DLG1: variants seen among roughly 807,000 people sequenced by gnomAD.
DLG1 encodes disks large homolog 1.
In DLG1, 42 loss-of-function variants were observed where a neutral mutation model predicts 123.4. That is an observed-to-expected ratio of 0.34 (90% CI 0.27 to 0.44). The LOEUF is 0.44. Ranked by LOEUF, DLG1 falls within the 20% of genes least tolerant of loss-of-function variation. The probability of loss-of-function intolerance (pLI) is 1.00; values close to 1 mark genes in which losing one functional copy is unlikely to be tolerated. For synonymous variants in DLG1, 317 were observed against 356.2 expected (o/e 0.89, Z 1.24); for missense variants, 942 against 1,082.6 (o/e 0.87, Z 1.82).
chr3:197,156,398 A>T (rs1298628437), intron 5 of DLG1, among the ~76,000 whole-genome samples: 1 of 152,226 alleles, frequency 6.6e-6, no homozygotes, highest in Admixed American at 6.5e-5. Context: ...AGGAACAAAA[A>T]AGCTACAAGG....
intron 16 of DLG1, among the ~76,000 whole-genome samples, chr3:197,082,044 G>C (rs1225795597): frequency 6.6e-6 from 1 of 152,018 alleles, no homozygotes; most frequent in Admixed American, 6.6e-5. Context: ...TTTTACTATG[G>C]GTACAGCAGG....
intron 5 of DLG1, among the ~76,000 whole-genome samples, chr3:197,160,231 G>A (rs1185095884): frequency 6.6e-6 from 1 of 152,004 alleles, no homozygotes; most frequent in Non-Finnish European, 1.5e-5. Flanking sequence ...ATAAATGAGA[G>A]AATTCTGAAT....
intron 4 of DLG1, among the ~76,000 whole-genome samples, chr3:197,264,376 G>T (rs545956237): frequency 2.6e-5 from 4 of 152,242 alleles, no homozygotes; most frequent in African/African-American, 9.6e-5. Flanking sequence ...TCTTTTAAGT[G>T]CCAGCATAAC....
chr3:197,288,739 A>ACATACATAC (rs1773220194), intron 3 of DLG1, among the ~76,000 whole-genome samples: 1 of 49,870 alleles, frequency 2.0e-5, no homozygotes, highest in African/African-American at 1.2e-4. Flanking sequence ...AAAAAAAAAA[A>ACATACATAC]AAAAATACAT....
intron 21 of DLG1, 63 bp downstream of exon 21, chr3:197,065,645 C>A: frequency 8.0e-7 from 1 of 1,253,636 alleles, no homozygotes; most frequent in Non-Finnish European, 1.1e-6. Context: ...ATCTATTTTT[C>A]CCACACACAG....
At chr3:197,273,224 A>G (rs534494371) in intron 4 of DLG1, among the ~76,000 whole-genome samples, 16,506 of 144,370 alleles carry the variant, frequency 0.11, 1,354 homozygotes, top group African/African-American at 0.24. Context: ...GTGTGTGTAT[A>G]TATATATATT....
intron 5 of DLG1, among the ~76,000 whole-genome samples, chr3:197,164,933 G>A (rs1251227192): frequency 6.8e-6 from 1 of 146,658 alleles, no homozygotes; most frequent in Non-Finnish European, 1.5e-5. Flanking sequence ...AAAAAAGAAA[G>A]AAAGAAAGAA....
chr3:197,257,126 G>A (rs1007867073), intron 4 of DLG1, among the ~76,000 whole-genome samples: 2 of 152,032 alleles, frequency 1.3e-5, no homozygotes, highest in Non-Finnish European at 2.9e-5. Context: ...CCTGTACTGA[G>A]ACTTTCTTTT....
At position 197,140,199 on chromosome 3, in the gene DLG1, T is replaced by G; in HGVS notation, c.654A>C (p.Ser218=). The G allele has an allele frequency of 3.1e-6, 5 of 1,613,552 alleles. No individual in the cohort carries two copies. Among genetic ancestry groups the G allele is most frequent in the Non-Finnish European group, 4.2e-6 (5 of 1,179,640 alleles). ...GTDNPHIGDD[S]SIFITKIITG... ...TGATAATTTTGGTAATGAAAATACT[T>G]GAGTCATCTCCAATGTGTGGGTTGT... Residue 218 remains serine (S), a synonymous_variant, in exon 8 of 25, where the codon TCA becomes TCC. Transcript: ENST00000667157.
chr3:197,227,088 T>C (rs1415249321), intron 4 of DLG1, among the ~76,000 whole-genome samples: 1 of 152,250 alleles, frequency 6.6e-6, no homozygotes. Flanking sequence ...GAATATTTAC[T>C]GCTTCATCTA....
At chr3:197,167,626 A>G (rs1009357227) in intron 5 of DLG1, among the ~76,000 whole-genome samples, 4 of 152,252 alleles carry the variant, frequency 2.6e-5, no homozygotes, top group Non-Finnish European at 5.9e-5. Flanking sequence ...GCAGTCATCA[A>G]AAGTGTCAAA....
rs367779304 is a variant in DLG1, at chr3:197,140,296, A to C, written c.589-32T>G. 2.5e-6 allele frequency: 4 copies of C among 1,607,006 alleles called. No individual in the cohort carries two copies. In the South Asian group the frequency reaches 3.3e-5, roughly 13 times the overall value. On this transcript the variant is annotated intron_variant, in intron 7 of 24. Coordinates refer to ENST00000667157, the MANE Select transcript of DLG1 (RefSeq NM_001366207.1). ...ATAGAAGAAAAAAAATTGAGACTGA[A>C]TATGATTTATCTTTATGGACAGGTT...
intron 5 of DLG1, among the ~76,000 whole-genome samples, chr3:197,180,283 A>C (rs1380975159): frequency 6.6e-6 from 1 of 152,170 alleles, no homozygotes; most frequent in Non-Finnish European, 1.5e-5. Flanking sequence ...AAAGTCTAGC[A>C]GCACTGTGCT....
At chr3:197,281,040 T>TG (rs1491337860) in intron 4 of DLG1, among the ~76,000 whole-genome samples, 2 of 108,776 alleles carry the variant, frequency 1.8e-5, no homozygotes, top group Non-Finnish European at 1.9e-5. Context: ...TTTTTTTTTT[T>TG]GAGACGGAGT....
At chr3:197,144,667 G>A (rs74379287) in intron 6 of DLG1, among the ~76,000 whole-genome samples, 5,613 of 152,254 alleles carry the variant, frequency 0.037, 165 homozygotes, top group South Asian at 0.051. Context: ...GGGACCAGGA[G>A]TTTCTTCCTT....
intron 13 of DLG1, 127 bp downstream of exon 13, chr3:197,115,800 C>A: frequency 2.3e-6 from 2 of 876,952 alleles, no homozygotes; most frequent in Non-Finnish European, 3.5e-6. Context: ...TACAATTAAG[C>A]TGTAAAATGT....
intron 19 of DLG1, chr3:197,068,458 G>A (rs1475381037): frequency 7.5e-7 from 1 of 1,326,324 alleles, no homozygotes; most frequent in East Asian, 2.3e-5. Context: ...AGTATATACT[G>A]TCAACATGAA....
At chr3:197,214,249 C>G (rs1326676535) in intron 4 of DLG1, among the ~76,000 whole-genome samples, 2 of 151,982 alleles carry the variant, frequency 1.3e-5, no homozygotes, top group Non-Finnish European at 2.9e-5. Context: ...AACACTTAAA[C>G]AAAATATGAA....
chr3:197,105,146 C>A, intron 13 of DLG1, 141 bp from the exon 14 acceptor site: 1 of 540,110 alleles, frequency 1.9e-6, no homozygotes, highest in Non-Finnish European at 3.3e-6. Context: ...TTCTGATTGA[C>A]TAAAAATATA....
Sources: gnomAD v4.1 joint callset for allele counts (sites outside exome capture counted in the v4.1 genomes callset) on GRCh38, gnomAD v4.1.1 for gene constraint, MANE v1.5 for transcripts, NCBI Gene and HGNC (gene_info 2026-07-23, HGNC 2026-07-21) for gene names.